The following PRKAG2 variants were observed in gnomAD, a reference collection of about 807,000 sequenced individuals.
PRKAG2 encodes protein kinase AMP-activated non-catalytic subunit gamma 2.
In PRKAG2, 26 loss-of-function variants were observed where a neutral mutation model predicts 69.6. That is an observed-to-expected ratio of 0.37 (90% CI 0.27 to 0.52). The LOEUF is 0.52. Among genes scored for constraint, PRKAG2 ranks in the 20% least tolerant of loss-of-function variants. PRKAG2 has a pLI of 0.90. For missense variants in PRKAG2, 557 were observed against 740.0 expected, an observed-to-expected ratio of 0.75 and a Z score of 2.87; for synonymous variants, 293 against 285.0, an observed-to-expected ratio of 1.03 and a Z score of -0.28.
intron 3 of PRKAG2, among the ~76,000 whole-genome samples, chr7:151,734,544 T>C (rs973728858): frequency 6.6e-6 from 1 of 152,170 alleles, no homozygotes. Flanking sequence ...ACGCTGGCAA[T>C]GCGCTGACTC....
chr7:151,842,824 A>C (rs900958781), intron 1 of PRKAG2, among the ~76,000 whole-genome samples: 36 of 151,788 alleles, frequency 2.4e-4, no homozygotes, highest in Non-Finnish European at 2.7e-4. Flanking sequence ...GAAGCAGAGG[A>C]GGCTTCACAA....
intron 2 of PRKAG2, among the ~76,000 whole-genome samples, chr7:151,783,068 C>T (rs115639571): frequency 0.03 from 4,574 of 152,306 alleles, 220 homozygotes; most frequent in African/African-American, 0.1. Context: ...GTGCGCTGTC[C>T]GGACCGCGGC....
At chr7:151,795,864 T>G (rs1415708189) in intron 1 of PRKAG2, among the ~76,000 whole-genome samples, 1 of 112,072 alleles carries the variant, frequency 8.9e-6, no homozygotes, top group African/African-American at 3.6e-5. Flanking sequence ...TATATATATA[T>G]ATATATATAT....
chr7:151,770,624 C>T (rs2075976722), intron 3 of PRKAG2, among the ~76,000 whole-genome samples: 1 of 152,206 alleles, frequency 6.6e-6, no homozygotes, highest in African/African-American at 2.4e-5. Flanking sequence ...TGACACTTTG[C>T]TGGTCACTGA....
At chr7:151,680,239 C>T (rs540944317) in intron 3 of PRKAG2, among the ~76,000 whole-genome samples, 10 of 152,256 alleles carry the variant, frequency 6.6e-5, no homozygotes, top group East Asian at 3.9e-4. Context: ...TGCTAAGTGT[C>T]GACTGTACTA....
At chr7:151,720,667 G>T in intron 3 of PRKAG2, among the ~76,000 whole-genome samples, 1 of 102,136 alleles carries the variant, frequency 9.8e-6, no homozygotes. Context: ...GAATGGAGGG[G>T]ATGGAGGGGG....
chr7:151,815,638 G>A (rs2078618997), intron 1 of PRKAG2, among the ~76,000 whole-genome samples: 1 of 152,180 alleles, frequency 6.6e-6, no homozygotes, highest in East Asian at 1.9e-4. Flanking sequence ...CTAGCCTCCT[G>A]CTTCCAGGGA....
Position 151,689,322 on chromosome 7 carries a change from G to A in PRKAG2, c.467-13685C>T, listed in dbSNP as rs181315266. 1.5e-4 allele frequency among the ~76,000 whole-genome samples: 23 copies of A among 152,248 alleles called. 1 individual carries two copies. Among genetic ancestry groups the A allele is most frequent in the Admixed American group, 1.4e-3 (22 of 15,298 alleles). ...GCTCCCTCTGATCATCCAGGCTCAC[G>A]GCTCTGGATGAGGCACAGGTGGGAA... On this transcript the variant is annotated intron_variant, in intron 3 of 15. Coordinates refer to ENST00000287878, the MANE Select transcript of PRKAG2 (RefSeq NM_016203.4).
intron 1 of PRKAG2, among the ~76,000 whole-genome samples, chr7:151,808,594 G>C (rs1385648805): frequency 1.3e-5 from 2 of 152,092 alleles, no homozygotes; most frequent in Non-Finnish European, 2.9e-5. Context: ...CAGGTTGTTG[G>C]GGGGGCTTGA....
intron 4 of PRKAG2, among the ~76,000 whole-genome samples, chr7:151,648,484 G>A (rs1585482817): frequency 2.6e-5 from 4 of 152,254 alleles, no homozygotes; most frequent in African/African-American, 4.8e-5. Context: ...GGAAAAGCAC[G>A]GAGACATTGC....
chr7:151,592,773 T>C (rs2151121704), intron 6 of PRKAG2, among the ~76,000 whole-genome samples: 1 of 152,328 alleles, frequency 6.6e-6, no homozygotes, highest in Admixed American at 6.5e-5. Flanking sequence ...ATTTAACTGG[T>C]CTCTTAGGTT....
intron 4 of PRKAG2, among the ~76,000 whole-genome samples, chr7:151,634,116 A>G (rs1356172894): frequency 6.6e-6 from 1 of 152,180 alleles, no homozygotes; most frequent in East Asian, 1.9e-4. Flanking sequence ...AAAGCAAACT[A>G]TATAGATACA....
At chr7:151,570,934 A>AT (rs1198878807) in intron 9 of PRKAG2, among the ~76,000 whole-genome samples, 2 of 150,268 alleles carry the variant, frequency 1.3e-5, no homozygotes, top group East Asian at 2.0e-4. Context: ...CACCCTGCTA[A>AT]TTTTTTTTGT....
chr7:151,678,457 G>C (rs981865055), intron 3 of PRKAG2, among the ~76,000 whole-genome samples: 1 of 152,154 alleles, frequency 6.6e-6, no homozygotes, highest in African/African-American at 2.4e-5. Flanking sequence ...TTTGTTTTGT[G>C]TGTCCGGGGG....
intron 5 of PRKAG2, among the ~76,000 whole-genome samples, chr7:151,615,613 C>T (rs1819939152): frequency 6.6e-6 from 1 of 152,122 alleles, no homozygotes; most frequent in South Asian, 2.1e-4. Flanking sequence ...AAACTATCAA[C>T]AGAGTGAAGA....
In PRKAG2 at chr7:151,771,368, T is replaced by G. The variant is rs2076012019; in HGVS notation, c.466+9784A>C. 6.6e-6 allele frequency among the ~76,000 whole-genome samples: 1 copy of G among 152,222 alleles called. No homozygotes were observed. The highest frequency in any genetic ancestry group is 2.1e-4 in the South Asian group (1 of 4,832). Reference sequence around the variant, plus strand: ...CGTCCCAAACTCAGCACCATTAAATTGGAGTGAGGCTGGTGGTGGAATGGG... The same window carrying G: ...CGTCCCAAACTCAGCACCATTAAATGGGAGTGAGGCTGGTGGTGGAATGGG... On this transcript the variant is annotated intron_variant, in intron 3 of 15. Transcript: ENST00000287878. This position sits in a 1 kb window ranked among gnomAD's most constrained non-coding sequence, Gnocchi z 4.0.
At chr7:151,578,988 C>T (rs749847965) in intron 6 of PRKAG2, among the ~76,000 whole-genome samples, 129 of 152,158 alleles carry the variant, frequency 8.5e-4, no homozygotes, top group Non-Finnish European at 2.1e-4. Context: ...GGAATGGGGG[C>T]ACCTTTTATG....
intron 1 of PRKAG2, among the ~76,000 whole-genome samples, chr7:151,832,135 G>T (rs148472936): frequency 6.6e-6 from 1 of 152,162 alleles, no homozygotes; most frequent in East Asian, 1.9e-4. Context: ...GGGGAGGAAG[G>T]TCCCTCCCAG....
Position 151,737,556 on chromosome 7 carries a change from G to A in PRKAG2, c.466+43596C>T, listed in dbSNP as rs190981426. Among the ~76,000 whole-genome samples, 77 of 152,298 alleles carry A rather than the reference G, an allele frequency of 5.1e-4. 1 individual carries two copies. In the East Asian group the frequency reaches 0.013, roughly 26 times the overall value. On this transcript the variant is annotated intron_variant, in intron 3 of 15. Coordinates refer to ENST00000287878, the MANE Select transcript of PRKAG2 (RefSeq NM_016203.4). ...TGCAACGCCATCAGTTTCTTCAGCG[G>A]AATTGTTATTATCTACGGCTCGTCC...
Sources: allele counts gnomAD v4.1 joint callset (sites outside exome capture counted in the v4.1 genomes callset), GRCh38; gene constraint gnomAD v4.1.1; non-coding constraint Gnocchi (gnomAD v3.1); transcripts MANE v1.5; gene names NCBI Gene and HGNC (gene_info 2026-07-23, HGNC 2026-07-21).